Variants in NIPSNAP3B observed in about 807,000 individuals in gnomAD.
NIPSNAP3B encodes nipsnap homolog 3B.
In NIPSNAP3B, 30 loss-of-function variants were observed where a neutral mutation model predicts 31.5. That is an observed-to-expected ratio of 0.95 (90% confidence interval 0.71 to 1.29). The LOEUF is 1.29. Ranked by LOEUF, NIPSNAP3B falls within the 50% of genes most tolerant of loss-of-function variation. The pLI is 0.00. For synonymous variants in NIPSNAP3B, 106 were observed against 107.9 expected (o/e 0.98, Z 0.11); for missense variants, 269 against 300.7 (o/e 0.89, Z 0.78).
chr9:104,771,592 C>A (rs1280390207), intron 4 of NIPSNAP3B, among the ~76,000 whole-genome samples: 1 of 152,064 alleles, frequency 6.6e-6, no homozygotes, highest in African/African-American at 2.4e-5. Context: ...TGTGTATGTA[C>A]CACATTTTCT....
chr9:104,770,589 T>C (rs1401662921), intron 3 of NIPSNAP3B, among the ~76,000 whole-genome samples: 3 of 152,200 alleles, frequency 2.0e-5, no homozygotes, highest in Non-Finnish European at 4.4e-5. Flanking sequence ...CAGAGTGTAG[T>C]TTATATATAG....
At chr9:104,788,464 C>A in the NIPSNAP3B span, 1 of 1,614,172 alleles carries the variant, frequency 6.2e-7, no homozygotes, top group South Asian at 1.1e-5. Flanking sequence ...CTCAAAAGGG[C>A]AAAGAACTCC....
Position 104,766,459 on chromosome 9 carries a change from T to C in NIPSNAP3B, c.195T>C (p.Ser65=), listed in dbSNP as rs1828092968. Residue 65 remains serine, a synonymous_variant, in exon 2 of 6, where the codon TCT becomes TCC. Transcript: ENST00000374762. ...NLKKNIHLRT[S]YSELVGFWSV... ...AGAAAAACATTCATCTTCGGACCTC[T>C]TACTCTGAATTGGTTGGATTCTGGA... 1 of 1,613,740 alleles carries C rather than the reference T, an allele frequency of 6.2e-7. No homozygotes were observed. The highest frequency in any genetic ancestry group is 1.3e-5 in the African/African-American group (1 of 74,916).
chr9:104,789,106 C>A, the NIPSNAP3B span, among the ~76,000 whole-genome samples: 3 of 152,202 alleles, frequency 2.0e-5, no homozygotes, highest in East Asian at 5.8e-4. Flanking sequence ...GATGACTGCA[C>A]CTCAGCCACA....
chr9:104,784,370 A>T, the NIPSNAP3B span: 2 of 1,614,126 alleles, frequency 1.2e-6, no homozygotes, highest in Non-Finnish European at 1.7e-6. Flanking sequence ...GAGAACTGCA[A>T]CGTCCACTAC....
chr9:104,776,081 G>A lies in NIPSNAP3B; in HGVS notation c.*3008G>A, dbSNP rs530780177. Among the ~76,000 whole-genome samples, 26 of 152,164 alleles carry A rather than the reference G, an allele frequency of 1.7e-4. 1 individual carries two copies. Among genetic ancestry groups the A allele is most frequent in the South Asian group, 1.7e-3 (8 of 4,818 alleles). On this transcript the variant is annotated 3_prime_UTR_variant, in exon 6 of 6. Transcript: ENST00000374762. ...CAACACCCCCTCCCAATACCTTCAT[G>A]TCATCCTCAGAGTTATTGTCCAAGC...
downstream of NIPSNAP3B, chr9:104,781,891 C>A (rs903294823): frequency 6.6e-6 from 1 of 152,152 alleles, no homozygotes; most frequent in Admixed American, 6.5e-5. Flanking sequence ...TAGGTTTACA[C>A]AGGAAAATGT....
the NIPSNAP3B span, chr9:104,784,182 A>G: frequency 8.7e-7 from 1 of 1,147,774 alleles, no homozygotes; most frequent in African/African-American, 1.5e-5. Context: ...ATTGCATTGA[A>G]TAGTATCAGT....
downstream of NIPSNAP3B, among the ~76,000 whole-genome samples, chr9:104,780,460 A>T (rs1588174106): frequency 6.6e-6 from 1 of 152,178 alleles, no homozygotes; most frequent in Non-Finnish European, 1.5e-5. Flanking sequence ...ATACATTTAC[A>T]TTTATCAGCA....
the NIPSNAP3B span, chr9:104,788,486 C>A: frequency 6.2e-7 from 1 of 1,614,212 alleles, no homozygotes; most frequent in Non-Finnish European, 8.5e-7. Context: ...CGTGTTCTCT[C>A]CCAGTCAACA....
At chr9:104,768,798 A>G in intron 2 of NIPSNAP3B, 65 bp from the exon 3 acceptor site, 1 of 1,464,226 alleles carries the variant, frequency 6.8e-7, no homozygotes, top group Non-Finnish European at 9.2e-7. Flanking sequence ...ACTGAGTAAA[A>G]TTCAAGTAAA....
At chr9:104,785,427 T>C in the NIPSNAP3B span, 3 of 1,614,072 alleles carry the variant, frequency 1.9e-6, no homozygotes, top group Non-Finnish European at 2.5e-6. Flanking sequence ...AACAGAGTAG[T>C]CTTCTATGTG....
the NIPSNAP3B span, chr9:104,785,724 C>T: frequency 2.9e-5 from 45 of 1,573,440 alleles, no homozygotes; most frequent in Middle Eastern, 8.3e-4. Flanking sequence ...CAACTTGTGC[C>T]ATGAAAAAGG....
chr9:104,785,818 C>T, the NIPSNAP3B span, among the ~76,000 whole-genome samples: 1 of 152,190 alleles, frequency 6.6e-6, no homozygotes, highest in Admixed American at 6.5e-5. Flanking sequence ...TGTGAAGCAC[C>T]ATGCCATGTG....
the NIPSNAP3B span, chr9:104,785,383 A>C: frequency 1.9e-6 from 3 of 1,613,822 alleles, no homozygotes; most frequent in South Asian, 2.2e-5. Context: ...CTGTTTTGAC[A>C]CTCAAAGCTT....
At chr9:104,790,899 AT>A in the NIPSNAP3B span, 2 of 1,507,978 alleles carry the variant, frequency 1.3e-6, no homozygotes, top group Non-Finnish European at 1.8e-6. Flanking sequence ...TTGCAGCAAA[AT>A]ACAAGCCACT....
At chr9:104,764,331 G>A (rs113343394) in intron 1 of NIPSNAP3B, 31 bp downstream of exon 1, 750 of 1,547,328 alleles carry the variant, frequency 4.8e-4, no homozygotes, top group Non-Finnish European at 6.2e-4. Context: ...CCCGAGCCCT[G>A]GCCGGAGGGG....
chr9:104,773,940 T>C lies in NIPSNAP3B; in HGVS notation c.*867T>C, dbSNP rs1828282303. On this transcript the variant is annotated 3_prime_UTR_variant, in exon 6 of 6. Coordinates refer to ENST00000374762, the MANE Select transcript of NIPSNAP3B (RefSeq NM_018376.4). ...ATATAGTGATAATTTACCAACTTTA[T>C]TGAAAATGTTGTTACATCAATAAAA... The C allele has an allele frequency of 6.6e-6, 1 of 152,196 alleles. No homozygotes were observed. The highest frequency in any genetic ancestry group is 2.4e-5 in the African/African-American group (1 of 41,456). The allele number at this position is 152,196 out of a possible 1,614,324, so 9.4% of individuals were successfully genotyped here.
chr9:104,778,465 G>A (rs559689165), downstream of NIPSNAP3B, among the ~76,000 whole-genome samples: 431 of 152,230 alleles, frequency 2.8e-3, 4 homozygotes, highest in Admixed American at 0.024. Flanking sequence ...GACCTCAAGT[G>A]ATCCACCCGT....
Sources: allele counts gnomAD v4.1 joint callset (sites outside exome capture counted in the v4.1 genomes callset), GRCh38; gene constraint gnomAD v4.1.1; transcripts MANE v1.5; gene names NCBI Gene and HGNC (gene_info 2026-07-23, HGNC 2026-07-21).